Variants in CASP5 observed in about 807,000 individuals in gnomAD.
CASP5 encodes the protein caspase 5, also known as caspase-5.
In CASP5, 42 loss-of-function variants were observed where a neutral mutation model predicts 45.2. That is an observed-to-expected ratio of 0.93 (90% CI 0.73 to 1.20). The LOEUF (loss-of-function observed/expected upper bound fraction) is 1.20. Ranked by LOEUF, CASP5 falls within the 50% of genes most tolerant of loss-of-function variation. CASP5 has a pLI of 0.00. For missense variants in CASP5, 512 were observed against 532.2 expected (o/e 0.96, Z 0.37); for synonymous variants, 209 against 186.2 (o/e 1.12, Z -1.00).
intron 5 of CASP5, 62 bp downstream of exon 5, chr11:105,001,966 C>T (rs1460492943): frequency 1.3e-6 from 2 of 1,530,926 alleles, no homozygotes; most frequent in African/African-American, 2.8e-5. Flanking sequence ...ATAAAGCTAA[C>T]TAATTATTAG....
intron 1 of CASP5, among the ~76,000 whole-genome samples, chr11:105,012,346 A>G (rs1862390889): frequency 1.3e-5 from 2 of 151,880 alleles, no homozygotes; most frequent in Non-Finnish European, 3.0e-5. Flanking sequence ...AAAAACGTGG[A>G]AAAGCTTAAT....
intron 1 of CASP5, 104 bp downstream of exon 1, chr11:105,023,026 G>T: frequency 3.8e-6 from 4 of 1,048,484 alleles, no homozygotes; most frequent in Non-Finnish European, 4.4e-6. Context: ...GCACACTATT[G>T]GTTGATTTCC....
intron 1 of CASP5, among the ~76,000 whole-genome samples, chr11:105,016,581 G>T (rs532245473): frequency 6.6e-6 from 1 of 152,038 alleles, no homozygotes; most frequent in Non-Finnish European, 1.5e-5. Flanking sequence ...ACTTCCACCC[G>T]AATACTGCGC....
In CASP5 at chr11:105,000,400, C is replaced by T. The variant is rs777024513; in HGVS notation, c.813G>A (p.Glu271=). 1.2e-6 allele frequency: 2 copies of T among 1,614,194 alleles called. No homozygotes were observed. The highest frequency in any genetic ancestry group is 2.2e-5 in the East Asian group (1 of 44,882). ...TTTTATGCGCAGTTCCGCAGATTCC[C>T]TCTAGGATGCCATGAGACATGAGTA... The part of the protein sequence containing the change: ...FLVLMSHGIL[E]GICGTAHKKK... The change falls in exon 6 of 10, where the codon GAG becomes GAA. Residue 271 remains glutamate, a synonymous_variant. Coordinates refer to ENST00000260315, the MANE Select transcript of CASP5 (RefSeq NM_004347.5).
intron 1 of CASP5, among the ~76,000 whole-genome samples, chr11:105,009,714 TACAC>T (rs367820511): frequency 2.4e-4 from 17 of 71,464 alleles, no homozygotes; most frequent in African/African-American, 9.9e-4. Flanking sequence ...GATATATATA[TACAC>T]ACATATATAT....
intron 3 of CASP5, among the ~76,000 whole-genome samples, chr11:105,003,627 A>G (rs1565383667): frequency 6.6e-6 from 1 of 152,034 alleles, no homozygotes; most frequent in Non-Finnish European, 1.5e-5. Flanking sequence ...ATTCTGGAGA[A>G]AAAATCTTGA....
intron 1 of CASP5, among the ~76,000 whole-genome samples, chr11:105,016,566 G>A (rs1219871680): frequency 6.6e-6 from 1 of 152,182 alleles, no homozygotes; most frequent in African/African-American, 2.4e-5. Context: ...CTGGAAAATC[G>A]GGTCACTTCC....
intron 1 of CASP5, among the ~76,000 whole-genome samples, chr11:105,020,761 C>T (rs551679167): frequency 3.3e-5 from 5 of 152,264 alleles, no homozygotes; most frequent in South Asian, 4.1e-4. Context: ...TCAATGCCAT[C>T]GCCATCAAGC....
chr11:105,008,493 C>T (rs1430155010), intron 2 of CASP5, among the ~76,000 whole-genome samples: 1 of 152,034 alleles, frequency 6.6e-6, no homozygotes. Flanking sequence ...GGTTAAGATA[C>T]ATGCAGGAAG....
intron 1 of CASP5, among the ~76,000 whole-genome samples, chr11:105,011,890 A>C (rs1473614045): frequency 1.3e-5 from 2 of 151,760 alleles, no homozygotes; most frequent in Non-Finnish European, 3.0e-5. Context: ...ATTCAATACA[A>C]TTCCTATTAA....
intron 1 of CASP5, among the ~76,000 whole-genome samples, chr11:105,016,356 G>A (rs973727020): frequency 6.6e-6 from 1 of 152,166 alleles, no homozygotes; most frequent in East Asian, 1.9e-4. Context: ...CAGCGTGAGC[G>A]AGCAGAAGAC....
chr11:105,018,598 G>C (rs1239579064), intron 1 of CASP5, among the ~76,000 whole-genome samples: 1 of 143,300 alleles, frequency 7.0e-6, no homozygotes. Context: ...TCAACAAGAA[G>C]AGCTAACTAT....
intron 1 of CASP5, among the ~76,000 whole-genome samples, chr11:105,021,452 C>G (rs1862955815): frequency 6.7e-6 from 1 of 149,828 alleles, no homozygotes. Context: ...TGAACTCAAA[C>G]AAATTTACAA....
At chr11:105,007,656 A>G (rs1401884608) in intron 2 of CASP5, among the ~76,000 whole-genome samples, 1 of 152,074 alleles carries the variant, frequency 6.6e-6, no homozygotes, top group Non-Finnish European at 1.5e-5. Flanking sequence ...ACAGCTCATG[A>G]TGATGATAAT....
intron 3 of CASP5, among the ~76,000 whole-genome samples, chr11:105,005,376 G>GTGTGTC (rs1190408499): frequency 6.6e-6 from 1 of 151,688 alleles, no homozygotes; most frequent in African/African-American, 2.4e-5. Context: ...GTGTGTGTGT[G>GTGTGTC]TGTGTGTGTG....
Position 105,009,764 on chromosome 11 carries a change from CACACACGTATATATATATATAT to C in CASP5, c.8-806_8-785del, listed in dbSNP as rs1565388078. Among the ~76,000 whole-genome samples, 7 of 73,124 alleles carry C rather than the reference CACACACGTATATATATATATAT, an allele frequency of 9.6e-5. No homozygotes were observed. The East Asian group carries it at 1.1e-3, about 12-fold the overall frequency. The allele number at this position is 73,124 out of a possible 152,430, so 48.0% of individuals were successfully genotyped here. ...ATATATATATATATATATATACACACACACACGTATATATATATATATACACACGTATATATATATATACACA... is the reference window on the plus strand; with the variant it reads ...ATATATATATATATATATATACACACACACACGTATATATATATATACACA... On this transcript the variant is annotated intron_variant, in intron 1 of 9. Coordinates refer to ENST00000260315, the MANE Select transcript of CASP5 (RefSeq NM_004347.5).
At chr11:105,017,777 C>T (rs1490324770) in intron 1 of CASP5, among the ~76,000 whole-genome samples, 1 of 151,928 alleles carries the variant, frequency 6.6e-6, no homozygotes, top group Non-Finnish European at 1.5e-5. Flanking sequence ...CAAGGCAGGC[C>T]AACATTCAGA....
rs45574231 is a variant in CASP5, at chr11:104,999,229, G to A, written c.953-201C>T. Reference sequence around the variant, plus strand: ...TGTCGCCCACCCCCCGACTGGCCCCGGTGTGTGATATTCCCCTCCCTGTGT... The same window carrying A: ...TGTCGCCCACCCCCCGACTGGCCCCAGTGTGTGATATTCCCCTCCCTGTGT... On this transcript the variant is annotated intron_variant, in intron 6 of 9. Coordinates refer to ENST00000260315, the MANE Select transcript of CASP5 (RefSeq NM_004347.5). Among the ~76,000 whole-genome samples, 1,268 of 151,934 alleles carry A rather than the reference G, an allele frequency of 8.3e-3. 19 individuals carry two copies. The highest frequency in any genetic ancestry group is 0.029 in the African/African-American group (1,186 of 41,420).
intron 1 of CASP5, among the ~76,000 whole-genome samples, chr11:105,014,417 C>T (rs1862490125): frequency 6.6e-6 from 1 of 151,988 alleles, no homozygotes; most frequent in Non-Finnish European, 1.5e-5. Flanking sequence ...TTGTGATTTC[C>T]AGCCTAATTC....
Sources: allele counts gnomAD v4.1 joint callset (sites outside exome capture counted in the v4.1 genomes callset), GRCh38; gene constraint gnomAD v4.1.1; transcripts MANE v1.5; gene names NCBI Gene and HGNC (gene_info 2026-07-23, HGNC 2026-07-21).